The following PRKCE variants were observed in gnomAD, a reference collection of about 807,000 sequenced individuals.
The protein encoded by PRKCE is protein kinase C epsilon.
Under a neutral mutation model 85.4 loss-of-function variants are expected in PRKCE, and 16 were observed. The ratio of observed to expected loss-of-function variants is 0.19; its 90% CI spans 0.13 to 0.28. The LOEUF (loss-of-function observed/expected upper bound fraction) is 0.28, where lower values mean the gene tolerates loss of function less well. Ranked by LOEUF, PRKCE falls within the 10% of genes least tolerant of loss-of-function variation. The pLI is 1.00. For synonymous variants in PRKCE, 388 were observed against 371.5 expected (o/e 1.04, Z -0.51); for missense variants, 573 against 975.2 (o/e 0.59, Z 5.49).
intron 10 of PRKCE, among the ~76,000 whole-genome samples, chr2:46,019,814 G>A (rs68122031): frequency 0.42 from 59,676 of 141,566 alleles, 12,520 homozygotes; most frequent in Middle Eastern, 0.53. Context: ...CTCCTAAACT[G>A]TTTGCTTTTT....
chr2:45,705,905 A>G (rs898450238), intron 1 of PRKCE, among the ~76,000 whole-genome samples: 4 of 152,138 alleles, frequency 2.6e-5, no homozygotes, highest in African/African-American at 9.7e-5. Context: ...TCTGAAGATG[A>G]TTGTAACCTG....
At chr2:45,831,635 C>T (rs1025561548) in intron 1 of PRKCE, among the ~76,000 whole-genome samples, 1 of 152,146 alleles carries the variant, frequency 6.6e-6, no homozygotes, top group Admixed American at 6.5e-5. Flanking sequence ...ACTGAATCCT[C>T]TTCTATCATA....
chr2:45,897,663 G>C (rs1360605612), intron 2 of PRKCE, among the ~76,000 whole-genome samples: 1 of 152,168 alleles, frequency 6.6e-6, no homozygotes, highest in East Asian at 1.9e-4. Flanking sequence ...TTTCATGACA[G>C]AGATTATTTG....
intron 6 of PRKCE, among the ~76,000 whole-genome samples, chr2:45,990,749 C>A (rs1351599828): frequency 1.3e-5 from 2 of 151,472 alleles, no homozygotes; most frequent in South Asian, 2.1e-4. Context: ...GCAACTTTCA[C>A]CTCCCAGGTT....
Position 45,933,019 on chromosome 2 carries a change from C to T in PRKCE, c.413-43410C>T, listed in dbSNP as rs566741158. On this transcript the variant is annotated intron_variant, in intron 2 of 14. Coordinates refer to ENST00000306156, the MANE Select transcript of PRKCE (RefSeq NM_005400.3). Reference sequence around the variant, plus strand: ...TAATATATACCACATTCTGTTTATCCACCATTCTTTGATTTTATTCTGATT... The same window carrying T: ...TAATATATACCACATTCTGTTTATCTACCATTCTTTGATTTTATTCTGATT... 4.6e-5 allele frequency among the ~76,000 whole-genome samples: 7 copies of T among 152,262 alleles called. No individual in the cohort carries two copies. In the East Asian group the frequency reaches 1.3e-3, roughly 29 times the overall value.
intron 2 of PRKCE, among the ~76,000 whole-genome samples, chr2:45,936,397 G>A (rs1699458463): frequency 6.6e-6 from 1 of 152,246 alleles, no homozygotes; most frequent in Admixed American, 6.5e-5. Flanking sequence ...CACCCACGTG[G>A]TTTTGAATCA....
At chr2:45,759,427 C>G (rs942072554) in intron 1 of PRKCE, among the ~76,000 whole-genome samples, 1 of 152,202 alleles carries the variant, frequency 6.6e-6, no homozygotes, top group Non-Finnish European at 1.5e-5. Context: ...GGCTGGAGAA[C>G]GAGCTCGGCC....
intron 11 of PRKCE, among the ~76,000 whole-genome samples, chr2:46,097,262 T>C (rs1408891836): frequency 6.6e-6 from 1 of 152,110 alleles, no homozygotes. Context: ...CTCACACTGG[T>C]AATCCCAACA....
chr2:45,654,806 G>A (rs928870836), intron 1 of PRKCE, among the ~76,000 whole-genome samples: 1 of 152,200 alleles, frequency 6.6e-6, no homozygotes, highest in African/African-American at 2.4e-5. Context: ...CAGGCTGAAG[G>A]TGGGGACTCA....
chr2:45,746,064 A>C (rs575348797), intron 1 of PRKCE, among the ~76,000 whole-genome samples: 66 of 152,312 alleles, frequency 4.3e-4, no homozygotes, highest in African/African-American at 1.6e-3. Flanking sequence ...GTTAGGCAGC[A>C]ATCCTAAGTA....
intron 2 of PRKCE, among the ~76,000 whole-genome samples, chr2:45,920,600 A>T (rs1698180217): frequency 6.6e-6 from 1 of 152,220 alleles, no homozygotes; most frequent in Non-Finnish European, 1.5e-5. Context: ...ACCCTTGATG[A>T]TATTAAGCTA....
In PRKCE at chr2:45,908,969, CTT is replaced by C. The variant is rs776411298; in HGVS notation, c.412+65908_412+65909del. Among the ~76,000 whole-genome samples, 7 of 152,198 alleles carry C rather than the reference CTT, an allele frequency of 4.6e-5. No individual in the cohort carries two copies. The East Asian group carries it at 1.4e-3, about 29-fold the overall frequency. ...TTCTATGTCTAATCGATTGGCCACT[CTT>C]TGCGCCACATAAAAATGCGTGACTG... On this transcript the variant is annotated intron_variant, in intron 2 of 14. Coordinates refer to ENST00000306156, the MANE Select transcript of PRKCE (RefSeq NM_005400.3).
At chr2:46,119,295 G>A (rs1465313388) in intron 11 of PRKCE, among the ~76,000 whole-genome samples, 1 of 151,938 alleles carries the variant, frequency 6.6e-6, no homozygotes, top group Non-Finnish European at 1.5e-5. Flanking sequence ...AAAAGGGGGG[G>A]TTATTAGGGT....
chr2:45,803,943 C>T (rs1299961470), intron 1 of PRKCE, among the ~76,000 whole-genome samples: 3 of 152,182 alleles, frequency 2.0e-5, no homozygotes, highest in Non-Finnish European at 4.4e-5. Context: ...AAGTCAGGAT[C>T]CTCCGGTCCT....
chr2:46,001,252 C>CATAT lies in PRKCE; in HGVS notation c.824-135_824-132dup, dbSNP rs35088567. 49,144 of 364,264 alleles carry CATAT rather than the reference C, an allele frequency of 0.13. 3,201 individuals carry two copies. Among genetic ancestry groups the CATAT allele is most frequent in the South Asian group, 0.25 (2,105 of 8,488 alleles). The allele number at this position is 364,264 out of a possible 1,614,324, so 22.6% of individuals were successfully genotyped here. A position where few individuals can be genotyped will look rare whatever the true frequency, so the allele number is the denominator to read the frequency against. Reference sequence around the variant, plus strand: ...GATTTTGGTTTTGTATGATGGAAGACATATATATATATATATATATTTCTG... The same window carrying CATAT: ...GATTTTGGTTTTGTATGATGGAAGACATATATATATATATATATATATATTTCTG... On this transcript the variant is annotated intron_variant, in intron 6 of 14. Coordinates refer to ENST00000306156, the MANE Select transcript of PRKCE (RefSeq NM_005400.3). The surrounding 1 kb of genome is among the most constrained non-coding windows in gnomAD (Gnocchi z 4.4).
chr2:45,990,973 T>C (rs1321958997), intron 6 of PRKCE, among the ~76,000 whole-genome samples: 1 of 150,256 alleles, frequency 6.7e-6, no homozygotes, highest in African/African-American at 2.5e-5. Flanking sequence ...AAATTACTTG[T>C]ATAATGTTAG....
At chr2:46,121,710 C>T (rs891535371) in intron 11 of PRKCE, among the ~76,000 whole-genome samples, 3 of 152,196 alleles carry the variant, frequency 2.0e-5, no homozygotes, top group Admixed American at 6.5e-5. Context: ...TGTCAGTGAG[C>T]ACATTTGAAC....
intron 10 of PRKCE, among the ~76,000 whole-genome samples, chr2:46,063,125 G>A (rs1667306891): frequency 1.3e-5 from 2 of 152,190 alleles, no homozygotes; most frequent in South Asian, 4.1e-4. Context: ...GATGATTGTT[G>A]GAAAGGCAGA....
At chr2:45,816,431 C>A (rs1030849771) in intron 1 of PRKCE, among the ~76,000 whole-genome samples, 1 of 152,166 alleles carries the variant, frequency 6.6e-6, no homozygotes, top group Non-Finnish European at 1.5e-5. Flanking sequence ...ACAGCATGGG[C>A]TTCATCCCTA....
Sources: gnomAD v4.1 joint callset for allele counts (sites outside exome capture counted in the v4.1 genomes callset) on GRCh38, gnomAD v4.1.1 for gene constraint, Gnocchi (gnomAD v3.1) non-coding constraint, MANE v1.5 for transcripts, NCBI Gene and HGNC (gene_info 2026-07-23, HGNC 2026-07-21) for gene names.